PLEKHG3: variants seen among roughly 807,000 people sequenced by gnomAD.
The protein encoded by PLEKHG3 is pleckstrin homology domain-containing family G member 3.
Under a neutral mutation model 94.9 loss-of-function variants are expected in PLEKHG3, and 62 were observed. The observed-to-expected ratio is 0.65, with a 90% CI of 0.53 to 0.81. PLEKHG3 has a LOEUF of 0.81. Among genes scored for constraint, PLEKHG3 ranks in the 30% least tolerant of loss-of-function variants. The pLI is 0.00. For synonymous variants in PLEKHG3, 614 were observed against 654.0 expected, an observed-to-expected ratio of 0.94 and a Z score of 0.93; for missense variants, 1,461 against 1,619.3, an observed-to-expected ratio of 0.90 and a Z score of 1.68.
In PLEKHG3 at chr14:64,712,871, C is replaced by T. The variant is rs1030939197; in HGVS notation, c.-40+8167C>T. 2.0e-5 allele frequency among the ~76,000 whole-genome samples: 3 copies of T among 152,168 alleles called. No homozygotes were observed. The East Asian group carries it at 5.8e-4, about 29-fold the overall frequency. ...GAATATAGTGGCAAGACTGGATATC[C>T]TTGTCTTCTTACTAATCTTAGTGAA... On this transcript the variant is annotated intron_variant, in intron 1 of 16. Coordinates refer to ENST00000247226, the MANE Select transcript of PLEKHG3 (RefSeq NM_001308147.2).
chr14:64,743,003 C>A lies in PLEKHG3; in HGVS notation c.2960C>A (p.Ser987Tyr), dbSNP rs772202838. Residue 987 changes from serine to tyrosine, a missense_variant, in exon 17 of 17, where the codon TCT becomes TAT. Around this residue, in one of 3 missense-constraint regions of PLEKHG3, gnomAD observed 1,201 missense variants for 1,295.5 expected, o/e 0.93. Transcript: ENST00000247226. This position sits in a 1 kb window ranked among gnomAD's most constrained non-coding sequence, Gnocchi z 7.2. ...ATAGGTAAGAGGAAGCCGGTGCTGT[C>A]TCTATTTGACTATGAGCAGCTGATG... ...GGKGKRKPVL[S>Y]LFDYEQLMAQ... 1 of 1,613,260 alleles carries A rather than the reference C, an allele frequency of 6.2e-7. No individual in the cohort carries two copies. Among genetic ancestry groups the A allele is most frequent in the Non-Finnish European group, 8.5e-7 (1 of 1,179,796 alleles).
In PLEKHG3 at chr14:64,726,428, A is replaced by T. The variant is rs1383354534; in HGVS notation, c.-39-1165A>T. The stretch of plus-strand genomic sequence containing the variant: ...ACTTACTGTTTTCCTGTGAAATAGC[A>T]ATGAAATGTGTACTCTGCAAAGTGG... On this transcript the variant is annotated intron_variant, in intron 1 of 16. Transcript: ENST00000247226. This position sits in a 1 kb window ranked among gnomAD's most constrained non-coding sequence, Gnocchi z 5.1. Among the ~76,000 whole-genome samples the T allele has an allele frequency of 6.6e-6, 1 of 152,144 alleles. No homozygotes were observed. Among genetic ancestry groups the T allele is most frequent in the Non-Finnish European group, 1.5e-5 (1 of 68,012 alleles).
In PLEKHG3 at chr14:64,732,725, G is replaced by C; in HGVS notation, c.1247-78G>C. The stretch of plus-strand genomic sequence containing the variant: ...GGAGCTGGGTGGGTATAGAGGTCTG[G>C]CTGGTTATGGACAGGGTCTAGGGTA... On this transcript the variant is annotated intron_variant, in intron 11 of 16. Transcript: ENST00000247226. The surrounding 1 kb of genome is among the most constrained non-coding windows in gnomAD (Gnocchi z 4.9). The C allele has an allele frequency of 8.9e-7, 1 of 1,119,954 alleles. No individual in the cohort carries two copies. The highest frequency in any genetic ancestry group is 2.5e-5 in the East Asian group (1 of 39,236). The allele number at this position is 1,119,954 out of a possible 1,614,324, so 69.4% of individuals were successfully genotyped here.
At chr14:64,711,620 G>A (rs1330307022) in intron 1 of PLEKHG3, among the ~76,000 whole-genome samples, 2 of 152,100 alleles carry the variant, frequency 1.3e-5, no homozygotes, top group Admixed American at 6.6e-5. Flanking sequence ...CACCTTGTTA[G>A]CCAGGATGGT....
Position 64,749,002 on chromosome 14 carries a change from G to A in PLEKHG3, c.*5299G>A. The A allele has an allele frequency of 3.2e-6, 1 of 309,684 alleles. No individual in the cohort carries two copies. The highest frequency in any genetic ancestry group is 3.6e-5 in the South Asian group (1 of 27,530). The allele number at this position is 309,684 out of a possible 1,614,324, so 19.2% of individuals were successfully genotyped here. A position where few individuals can be genotyped will look rare whatever the true frequency, so the allele number is the denominator to read the frequency against. On this transcript the variant is annotated 3_prime_UTR_variant, in exon 17 of 17. Transcript: ENST00000247226. This position sits in a 1 kb window ranked among gnomAD's most constrained non-coding sequence, Gnocchi z 4.7. ...CCCCCTCGGCTCAGGAGGAGGGTGG[G>A]AGAGGAGGGCGTGTGCCTCAGAGAA... is the stretch of plus-strand genomic sequence containing the variant.
At position 64,727,524 on chromosome 14, in the gene PLEKHG3, C is replaced by CA; in HGVS notation, c.-39-67dup. 1.4e-5 allele frequency: 6 copies of CA among 439,624 alleles called. No homozygotes were observed. The highest frequency in any genetic ancestry group is 2.1e-5 in the South Asian group (1 of 46,528). 27.2% of individuals were successfully genotyped at this position (439,624 alleles called of 1,614,324 possible). Reference sequence around the variant, plus strand: ...CCACCCCACCTGCCCCCACCCCTGGCAACCGTCCCTCTGTTCTGTTTCTGT... The same window carrying CA: ...CCACCCCACCTGCCCCCACCCCTGGCAAACCGTCCCTCTGTTCTGTTTCTGT... On this transcript the variant is annotated intron_variant, in intron 1 of 16. Coordinates refer to ENST00000247226, the MANE Select transcript of PLEKHG3 (RefSeq NM_001308147.2). The surrounding 1 kb of genome is among the most constrained non-coding windows in gnomAD (Gnocchi z 6.0).
chr14:64,712,650 G>T (rs916690143), intron 1 of PLEKHG3, among the ~76,000 whole-genome samples: 1 of 152,090 alleles, frequency 6.6e-6, no homozygotes, highest in Non-Finnish European at 1.5e-5. Flanking sequence ...ATAGATTTTT[G>T]TGTGTTGATC....
intron 1 of PLEKHG3, among the ~76,000 whole-genome samples, chr14:64,709,504 G>C (rs2081032918): frequency 6.6e-6 from 1 of 152,162 alleles, no homozygotes; most frequent in Non-Finnish European, 1.5e-5. Flanking sequence ...TAGGGTTCTC[G>C]TGGGCACAGT....
At chr14:64,742,559 A>T in intron 16 of PLEKHG3, 104 bp downstream of exon 16, 1 of 846,762 alleles carries the variant, frequency 1.2e-6, no homozygotes, top group Non-Finnish European at 1.8e-6. Flanking sequence ...AGGAGGCTCT[A>T]CCAAAGGGAG....
chr14:64,707,431 T>A (rs527619147), intron 1 of PLEKHG3, among the ~76,000 whole-genome samples: 2 of 152,324 alleles, frequency 1.3e-5, no homozygotes, highest in Admixed American at 1.3e-4. Context: ...AGTTAAGGAG[T>A]TAGCACCTAC....
Position 64,749,688 on chromosome 14 carries a change from T to C in PLEKHG3, c.*5985T>C. The C allele has an allele frequency of 1.2e-6, 2 of 1,613,794 alleles. No homozygotes were observed. Among genetic ancestry groups the C allele is most frequent in the Non-Finnish European group, 1.7e-6 (2 of 1,179,930 alleles). On this transcript the variant is annotated 3_prime_UTR_variant, in exon 17 of 17. Coordinates refer to ENST00000247226, the MANE Select transcript of PLEKHG3 (RefSeq NM_001308147.2). This position sits in a 1 kb window ranked among gnomAD's most constrained non-coding sequence, Gnocchi z 4.7. ...GCCATGGAAGAGCCACTCGCTGCCA[T>C]TACTCAGCCTAGGAGGACAAAGGGT... is the stretch of plus-strand genomic sequence containing the variant.
rs560507519 is a variant in PLEKHG3 at position 64,747,098 on chromosome 14, G to C, written c.*3395G>C. The C allele has an allele frequency of 6.6e-6, 1 of 152,608 alleles. No individual in the cohort carries two copies. Among genetic ancestry groups the C allele is most frequent in the Non-Finnish European group, 1.5e-5 (1 of 68,078 alleles). The allele number at this position is 152,608 out of a possible 1,614,324, so 9.5% of individuals were successfully genotyped here. A position where few individuals can be genotyped will look rare whatever the true frequency, so the allele number is the denominator to read the frequency against. On this transcript the variant is annotated 3_prime_UTR_variant, in exon 17 of 17. Coordinates refer to ENST00000247226, the MANE Select transcript of PLEKHG3 (RefSeq NM_001308147.2). Reference sequence around the variant, plus strand: ...CCTGGACCAGGCCAGGGGACCTGGGGTGGTGAGATGCTAGCTCTTCCACTA... The same window carrying C: ...CCTGGACCAGGCCAGGGGACCTGGGCTGGTGAGATGCTAGCTCTTCCACTA...
At position 64,727,873 on chromosome 14, in the gene PLEKHG3, G is replaced by A. The variant is rs202141655; in HGVS notation, c.242G>A (p.Arg81Gln). ...VKGPLSPFNS[R>Q]AAAGPAHHKL... is the part of the protein sequence containing the mutation. ...GGGCCCCTCTCCCCGTTCAACAGCC[G>A]GGCAGCGGCAGGGCCTGCACACCAC... Residue 81 changes from arginine (R) to glutamine (Q), a missense_variant, in exon 2 of 17, where the codon CGG becomes CAG. Physicochemically the swap from Arg to Gln is conservative, Grantham distance 43. Coordinates refer to ENST00000247226, the MANE Select transcript of PLEKHG3 (RefSeq NM_001308147.2). This position sits in a 1 kb window ranked among gnomAD's most constrained non-coding sequence, Gnocchi z 6.0. 1.1e-5 allele frequency: 17 copies of A among 1,613,120 alleles called. No individual in the cohort carries two copies. Among genetic ancestry groups the A allele is most frequent in the Middle Eastern group, 1.6e-4 (1 of 6,080 alleles).
chr14:64,732,279 C>T lies in PLEKHG3; in HGVS notation c.1212+98C>T. ...GGGGCTCACCTTCTGGATTTGGGCT[C>T]CAGTGGACAGTGAGTGTCAGTACAG... On this transcript the variant is annotated intron_variant, in intron 10 of 16. Transcript: ENST00000247226. The surrounding 1 kb of genome is among the most constrained non-coding windows in gnomAD (Gnocchi z 4.9). 2 of 1,289,182 alleles carry T rather than the reference C, an allele frequency of 1.6e-6. No homozygotes were observed. The highest frequency in any genetic ancestry group is 2.3e-6 in the Non-Finnish European group (2 of 886,132). The allele number at this position is 1,289,182 out of a possible 1,614,324, so 79.9% of individuals were successfully genotyped here.
chr14:64,749,841 G>A lies in PLEKHG3; in HGVS notation c.*6138G>A. 1 of 1,481,502 alleles carries A rather than the reference G, an allele frequency of 6.7e-7. No homozygotes were observed. The allele number at this position is 1,481,502 out of a possible 1,614,324, so 91.8% of individuals were successfully genotyped here. The stretch of plus-strand genomic sequence containing the variant: ...GCACTTTCTGAGAGGTCAAAGTCTG[G>A]ACCATCAGCCTCTTTGATTTGAAAA... On this transcript the variant is annotated 3_prime_UTR_variant, in exon 17 of 17. Coordinates refer to ENST00000247226, the MANE Select transcript of PLEKHG3 (RefSeq NM_001308147.2). The surrounding 1 kb of genome is among the most constrained non-coding windows in gnomAD (Gnocchi z 4.7).
At position 64,721,278 on chromosome 14, in the gene PLEKHG3, T is replaced by C. The variant is rs527442060; in HGVS notation, c.-39-6315T>C. Reference sequence around the variant, plus strand: ...TTTGGGAGACAACATGGGCACATGTTGGGTAGGTGGGGACAGGGGGGTGTA... The same window carrying C: ...TTTGGGAGACAACATGGGCACATGTCGGGTAGGTGGGGACAGGGGGGTGTA... On this transcript the variant is annotated intron_variant, in intron 1 of 16. Transcript: ENST00000247226. This position sits in a 1 kb window ranked among gnomAD's most constrained non-coding sequence, Gnocchi z 4.3. Among the ~76,000 whole-genome samples, 26 of 152,074 alleles carry C rather than the reference T, an allele frequency of 1.7e-4. No individual in the cohort carries two copies. The highest frequency in any genetic ancestry group is 3.2e-4 in the Non-Finnish European group (22 of 68,006).
intron 1 of PLEKHG3, among the ~76,000 whole-genome samples, chr14:64,711,482 C>T (rs1366303185): frequency 2.0e-5 from 3 of 151,196 alleles, no homozygotes; most frequent in Admixed American, 1.3e-4. Context: ...GGCATGATCT[C>T]GGCTCACTGC....
intron 1 of PLEKHG3, among the ~76,000 whole-genome samples, chr14:64,707,985 TCCAA>T (rs1380173513): frequency 6.6e-6 from 1 of 152,252 alleles, no homozygotes; most frequent in Middle Eastern, 3.2e-3. Flanking sequence ...AAACTATTTC[TCCAA>T]CCAAATTCTG....
chr14:64,712,946 G>T (rs913559180), intron 1 of PLEKHG3, among the ~76,000 whole-genome samples: 1 of 152,112 alleles, frequency 6.6e-6, no homozygotes, highest in Non-Finnish European at 1.5e-5. Flanking sequence ...GGTTTTTCAT[G>T]GATGTTCTGT....
Sources: allele counts gnomAD v4.1 joint callset (sites outside exome capture counted in the v4.1 genomes callset), GRCh38; gene constraint gnomAD v4.1.1; regional missense constraint gnomAD v4.1.1; non-coding constraint Gnocchi (gnomAD v3.1); transcripts MANE v1.5; gene names NCBI Gene and HGNC (gene_info 2026-07-23, HGNC 2026-07-21).